DHTKD1: variants seen among roughly 807,000 people sequenced by gnomAD.
DHTKD1 encodes the protein dehydrogenase E1 and transketolase domain containing 1.
Under a neutral mutation model 101.8 loss-of-function variants are expected in DHTKD1, and 78 were observed. The ratio of observed to expected loss-of-function variants is 0.77; its 90% CI spans 0.64 to 0.93. The LOEUF (loss-of-function observed/expected upper bound fraction) is 0.93, where lower values mean the gene tolerates loss of function less well. Ranked by LOEUF, DHTKD1 falls within the 40% of genes least tolerant of loss-of-function variation. DHTKD1 has a pLI of 0.00. For missense variants in DHTKD1, 1,223 were observed against 1,161.7 expected, an observed-to-expected ratio of 1.05 and a Z score of -0.77; for synonymous variants, 462 against 450.3, an observed-to-expected ratio of 1.03 and a Z score of -0.33.
chr10:12,076,411 G>A (rs1412600434), intron 1 of DHTKD1, among the ~76,000 whole-genome samples: 1 of 151,982 alleles, frequency 6.6e-6, no homozygotes, highest in Non-Finnish European at 1.5e-5. Flanking sequence ...AGGAGGCAGA[G>A]GTTGCAGTGA....
intron 8 of DHTKD1, among the ~76,000 whole-genome samples, chr10:12,099,176 A>G (rs1221248148): frequency 6.6e-6 from 1 of 151,934 alleles, no homozygotes; most frequent in Non-Finnish European, 1.5e-5. Context: ...TTTCTCCAAA[A>G]AGAGGAAATT....
chr10:12,074,419 G>C (rs1243216368), intron 1 of DHTKD1, among the ~76,000 whole-genome samples: 1 of 151,026 alleles, frequency 6.6e-6, no homozygotes, highest in Non-Finnish European at 1.5e-5. Context: ...GCAGTGGCAC[G>C]ATCTCTGCTC....
Position 12,091,675 on chromosome 10 carries a change from A to T in DHTKD1, c.1150A>T (p.Ser384Cys), listed in dbSNP as rs937030088. ...AERGRSSLYC[S>C]DIGKLVGCAI... ...AAGAGGAAGGTCTTCTTTATACTGC[A>T]GTGATATTGGTACGTAACACAGGGA... The change falls in exon 6 of 17, where the codon AGT becomes TGT. Residue 384 changes from serine (S) to cysteine (C), a missense_variant. Transcript: ENST00000263035. 1 of 1,613,564 alleles carries T rather than the reference A, an allele frequency of 6.2e-7. No homozygotes were observed. The highest frequency in any genetic ancestry group is 1.3e-5 in the African/African-American group (1 of 74,890).
intron 13 of DHTKD1, 97 bp downstream of exon 13, chr10:12,113,161 AACACCTTT>A: frequency 8.8e-7 from 1 of 1,136,962 alleles, no homozygotes; most frequent in Non-Finnish European, 1.2e-6. Flanking sequence ...AAATTACAGA[AACACCTTT>A]TTAGTTTCAA....
At chr10:12,099,175 A>G (rs1033966464) in intron 8 of DHTKD1, among the ~76,000 whole-genome samples, 20 of 151,922 alleles carry the variant, frequency 1.3e-4, no homozygotes, top group Non-Finnish European at 2.5e-4. Flanking sequence ...GTTTCTCCAA[A>G]AAGAGGAAAT....
chr10:12,099,473 G>A (rs1833122375), intron 8 of DHTKD1, among the ~76,000 whole-genome samples: 1 of 152,094 alleles, frequency 6.6e-6, no homozygotes, highest in African/African-American at 2.4e-5. Context: ...GATTATTTGA[G>A]TTCAGGGGTT....
intron 13 of DHTKD1, chr10:12,116,236 C>T (rs1209466154): frequency 1.3e-5 from 2 of 151,816 alleles, no homozygotes; most frequent in African/African-American, 4.8e-5. Context: ...TGGCCTGATT[C>T]TTAAAATTAT....
intron 15 of DHTKD1, 81 bp from the exon 16 acceptor site, chr10:12,120,101 C>A: frequency 9.4e-7 from 1 of 1,059,480 alleles, no homozygotes; most frequent in Non-Finnish European, 1.5e-6. Flanking sequence ...TTGAAAACTC[C>A]ATCGTAGGTG....
chr10:12,069,116 G>A lies in DHTKD1; in HGVS notation c.83G>A (p.Arg28Gln), dbSNP rs767193254. Residue 28 changes from arginine to glutamine, a missense_variant, in exon 1 of 17, where the codon CGG becomes CAG. Coordinates refer to ENST00000263035, the MANE Select transcript of DHTKD1 (RefSeq NM_018706.7). ...TTCTGGCGTGGCTACCAGACCGAGC[G>A]GGGCGTTTACGGCTACCGGCCGAGG... is the stretch of plus-strand genomic sequence containing the variant. ...PLFWRGYQTE[R>Q]GVYGYRPRKP... The A allele has an allele frequency of 3.1e-6, 5 of 1,609,504 alleles. No homozygotes were observed. The highest frequency in any genetic ancestry group is 2.2e-5 in the East Asian group (1 of 44,718).
Position 12,079,001 on chromosome 10 carries a change from C to T in DHTKD1, c.155-2471C>T, listed in dbSNP as rs551358738. Among the ~76,000 whole-genome samples, 27 of 152,252 alleles carry T rather than the reference C, an allele frequency of 1.8e-4. No homozygotes were observed. In the East Asian group the frequency reaches 4.6e-3, roughly 26 times the overall value. ...CTGTATGTTTGCTATTGTTCTTATA[C>T]CACTAATCATGAGTTGGGGGGAGAT... On this transcript the variant is annotated intron_variant, in intron 1 of 16. Transcript: ENST00000263035.
chr10:12,111,165 T>G (rs1045229402), intron 12 of DHTKD1, among the ~76,000 whole-genome samples: 1 of 151,992 alleles, frequency 6.6e-6, no homozygotes, highest in Admixed American at 6.6e-5. Flanking sequence ...GAGTTCCTTT[T>G]GTGTTTTCTT....
intron 1 of DHTKD1, among the ~76,000 whole-genome samples, chr10:12,075,175 T>C (rs1410160506): frequency 6.6e-6 from 1 of 152,056 alleles, no homozygotes; most frequent in East Asian, 1.9e-4. Context: ...AGATCACTGC[T>C]TCTGTTTCTT....
chr10:12,098,658 A>G (rs1056276385), intron 8 of DHTKD1, among the ~76,000 whole-genome samples: 9 of 152,092 alleles, frequency 5.9e-5, no homozygotes, highest in African/African-American at 2.2e-4. Context: ...TCCACCTCCC[A>G]GGTTCAAACG....
intron 9 of DHTKD1, 25 bp downstream of exon 9, chr10:12,100,287 G>GTTTTTTTTTTTTTT (rs57815181): frequency 0.045 from 12,128 of 270,512 alleles, 2,739 homozygotes; most frequent in African/African-American, 0.1. Flanking sequence ...TTTTTTTTCT[G>GTTTTTTTTTTTTTT]TTTTTTTTTT....
At chr10:12,082,198 A>T (rs2131352815) in intron 2 of DHTKD1, among the ~76,000 whole-genome samples, 1 of 152,286 alleles carries the variant, frequency 6.6e-6, no homozygotes, top group East Asian at 1.9e-4. Flanking sequence ...TTATTCTCAA[A>T]ATCACTCCCA....
In DHTKD1 at chr10:12,084,690, A is replaced by G. The variant is rs1297099391; in HGVS notation, c.461A>G (p.Gln154Arg). ...TTTGCCAAGCGGTTTGAGGAACTGC[A>G]AAAGGAGACGTTTACCACAGAAGAG... ...DWFAKRFEEL[Q>R]KETFTTEERK... is the part of the protein sequence containing the mutation. Residue 154 changes from glutamine (Q) to arginine (R), a missense_variant, in exon 3 of 17, where the codon CAA becomes CGA. By Grantham distance (43) the Gln-to-Arg change is conservative (BLOSUM62 1). Coordinates refer to ENST00000263035, the MANE Select transcript of DHTKD1 (RefSeq NM_018706.7). The G allele has an allele frequency of 6.2e-7, 1 of 1,614,190 alleles. No homozygotes were observed.
Position 12,112,940 on chromosome 10 carries a change from T to G in DHTKD1, c.2195T>G (p.Val732Gly). The change falls in exon 13 of 17, where the codon GTG (valine) becomes GGG (glycine). Residue 732 changes from valine (V) to glycine (G), a missense_variant. Coordinates refer to ENST00000263035, the MANE Select transcript of DHTKD1 (RefSeq NM_018706.7). ...GAAGAGGGGGTGGACGGAGACACTG[T>G]GAACATGTTTGTGGTTCACCCAACA... ...SAEEGVDGDT[V>G]NMFVVHPTTP... is the part of the protein sequence containing the mutation. 1.2e-6 allele frequency: 2 copies of G among 1,613,320 alleles called. No homozygotes were observed. The highest frequency in any genetic ancestry group is 1.7e-6 in the Non-Finnish European group (2 of 1,179,714).
Position 12,097,904 on chromosome 10 carries a change from C to T in DHTKD1, c.1579C>T (p.Pro527Ser). Residue 527 changes from proline (P) to serine (S), a missense_variant, in exon 8 of 17, where the codon CCC (proline) becomes TCC (serine). Transcript: ENST00000263035. ...AATCACCACCTGGAGTACAGGTGTG[C>T]CCCTCGACCTCCTGCGGTTTGTTGG... ...AQITTWSTGV[P>S]LDLLRFVGMK... 1 of 1,614,214 alleles carries T rather than the reference C, an allele frequency of 6.2e-7. No homozygotes were observed. Among genetic ancestry groups the T allele is most frequent in the Non-Finnish European group, 8.5e-7 (1 of 1,180,036 alleles).
intron 13 of DHTKD1, among the ~76,000 whole-genome samples, chr10:12,115,839 C>T (rs1373027815): frequency 6.6e-6 from 1 of 152,050 alleles, no homozygotes; most frequent in Non-Finnish European, 1.5e-5. Flanking sequence ...ATAATCTTAG[C>T]TCACTGCAAC....
Sources: gnomAD v4.1 joint callset for allele counts (sites outside exome capture counted in the v4.1 genomes callset) on GRCh38, gnomAD v4.1.1 for gene constraint, MANE v1.5 for transcripts, NCBI Gene and HGNC (gene_info 2026-07-23, HGNC 2026-07-21) for gene names.